KCNQ3: variants seen among roughly 807,000 people sequenced by gnomAD.
KCNQ3 encodes the protein potassium voltage-gated channel subfamily KQT member 3.
In KCNQ3, 30 loss-of-function variants were observed where a neutral mutation model predicts 92.5. That is an observed-to-expected ratio of 0.32 (90% CI 0.24 to 0.44). The LOEUF is 0.44. Among genes scored for constraint, KCNQ3 ranks in the 20% least tolerant of loss-of-function variants. The pLI is 1.00. For missense variants in KCNQ3, 913 were observed against 1,140.3 expected, an observed-to-expected ratio of 0.80 and a Z score of 2.87; for synonymous variants, 450 against 468.8, an observed-to-expected ratio of 0.96 and a Z score of 0.52.
intron 1 of KCNQ3, among the ~76,000 whole-genome samples, chr8:132,464,041 T>C (rs1461495035): frequency 6.6e-6 from 1 of 152,094 alleles, no homozygotes; most frequent in African/African-American, 2.4e-5. Context: ...AAAAATTAGC[T>C]GGGTGTGGTG....
At chr8:132,373,748 A>G (rs1054970979) in intron 1 of KCNQ3, among the ~76,000 whole-genome samples, 6 of 152,102 alleles carry the variant, frequency 3.9e-5, no homozygotes, top group African/African-American at 1.2e-4. Context: ...TGACAGATAC[A>G]GGTGCCCAGT....
chr8:132,381,022 G>T (rs1586971899), intron 1 of KCNQ3, among the ~76,000 whole-genome samples: 1 of 151,700 alleles, frequency 6.6e-6, no homozygotes, highest in Non-Finnish European at 1.5e-5. Context: ...GGAGGATAGA[G>T]CAAAGGGAAA....
intron 1 of KCNQ3, among the ~76,000 whole-genome samples, chr8:132,398,452 T>A (rs34904971): frequency 0.023 from 3,450 of 152,336 alleles, 54 homozygotes; most frequent in Non-Finnish European, 0.037. Context: ...TTAAATGATT[T>A]GCTTATTATT....
intron 1 of KCNQ3, among the ~76,000 whole-genome samples, chr8:132,411,953 CTT>C (rs1320149558): frequency 6.6e-6 from 1 of 152,224 alleles, no homozygotes; most frequent in Non-Finnish European, 1.5e-5. Flanking sequence ...TTCCACCACT[CTT>C]TTGAGCACCA....
At chr8:132,132,088 A>T in intron 14 of KCNQ3, 92 bp downstream of exon 14, 7 of 301,014 alleles carry the variant, frequency 2.3e-5, no homozygotes, top group Non-Finnish European at 3.4e-5. Flanking sequence ...CCTTCGTCTT[A>T]AAAAAAAAAA....
intron 4 of KCNQ3, among the ~76,000 whole-genome samples, chr8:132,177,777 A>AAATG (rs1826615912): frequency 6.6e-6 from 1 of 152,250 alleles, no homozygotes; most frequent in Non-Finnish European, 1.5e-5. Context: ...TACAATGAAT[A>AAATG]AATGAATGAA....
intron 9 of KCNQ3, among the ~76,000 whole-genome samples, chr8:132,158,751 A>G (rs1212740848): frequency 1.3e-5 from 2 of 152,214 alleles, no homozygotes; most frequent in Non-Finnish European, 2.9e-5. Flanking sequence ...TAGGGTGGTT[A>G]TGAAGAAGAG....
At chr8:132,228,106 G>T (rs143217911) in intron 1 of KCNQ3, among the ~76,000 whole-genome samples, 6 of 152,256 alleles carry the variant, frequency 3.9e-5, no homozygotes, top group African/African-American at 1.4e-4. Flanking sequence ...AACCAAAGCC[G>T]CTGCAATTAG....
rs778750952 is a variant in KCNQ3, at chr8:132,460,336, C to CTGTGTT, written c.386+19810_386+19811insAACACA. Among the ~76,000 whole-genome samples the CTGTGTT allele has an allele frequency of 7.3e-3, 1,109 of 152,306 alleles. 6 individuals are homozygous for CTGTGTT. The highest frequency in any genetic ancestry group is 0.011 in the Non-Finnish European group (725 of 68,026). ...TATAAATATTTCTATTCATAACCAT[C>CTGTGTT]TATGTTTGTATTAAGTTAAACATGA... On this transcript the variant is annotated intron_variant, in intron 1 of 14. Coordinates refer to ENST00000388996, the MANE Select transcript of KCNQ3 (RefSeq NM_004519.4).
At chr8:132,256,187 A>G (rs1041796683) in intron 1 of KCNQ3, among the ~76,000 whole-genome samples, 7 of 152,168 alleles carry the variant, frequency 4.6e-5, no homozygotes, top group African/African-American at 1.7e-4. Flanking sequence ...ATCTATATGT[A>G]AAAAATAAAA....
At chr8:132,245,056 G>C (rs1755326647) in intron 1 of KCNQ3, among the ~76,000 whole-genome samples, 1 of 151,460 alleles carries the variant, frequency 6.6e-6, no homozygotes, top group Non-Finnish European at 1.5e-5. Context: ...CCTTTTTTTA[G>C]CATCTTGAAT....
At chr8:132,194,846 T>G (rs2130234796) in intron 1 of KCNQ3, among the ~76,000 whole-genome samples, 1 of 152,330 alleles carries the variant, frequency 6.6e-6, no homozygotes, top group East Asian at 1.9e-4. Flanking sequence ...GTGATTTGCT[T>G]ATGGCTACAA....
At chr8:132,350,356 A>T (rs913038013) in intron 1 of KCNQ3, among the ~76,000 whole-genome samples, 1 of 152,188 alleles carries the variant, frequency 6.6e-6, no homozygotes, top group Non-Finnish European at 1.5e-5. Context: ...AGCTGGTGCC[A>T]CTGCCAAATG....
intron 1 of KCNQ3, among the ~76,000 whole-genome samples, chr8:132,372,508 C>A (rs773761125): frequency 1.2e-4 from 18 of 152,202 alleles, no homozygotes; most frequent in Non-Finnish European, 2.5e-4. Flanking sequence ...GTAATCCCAG[C>A]ACTTTGGGAG....
rs187625670 is a variant in KCNQ3 at position 132,429,578 on chromosome 8, T to C, written c.386+50569A>G. Among the ~76,000 whole-genome samples, 5 of 152,268 alleles carry C rather than the reference T, an allele frequency of 3.3e-5. No homozygotes were observed. In the East Asian group the frequency reaches 7.7e-4, roughly 24 times the overall value. ...AAGAGCCCTAAGAATGAGAGTTTTC[T>C]GGCTGGGTGCAGTGGCTCACGCCTG... On this transcript the variant is annotated intron_variant, in intron 1 of 14. Transcript: ENST00000388996.
chr8:132,182,186 C>A (rs536050520), intron 3 of KCNQ3, among the ~76,000 whole-genome samples: 1 of 152,264 alleles, frequency 6.6e-6, no homozygotes, highest in Non-Finnish European at 1.5e-5. Context: ...ACATCTGCAT[C>A]ATTTGCCAGG....
At chr8:132,432,628 C>G (rs1038978140) in intron 1 of KCNQ3, among the ~76,000 whole-genome samples, 1 of 152,156 alleles carries the variant, frequency 6.6e-6, no homozygotes, top group Non-Finnish European at 1.5e-5. Context: ...TTCTCTCACT[C>G]CACTGCTGAA....
chr8:132,281,718 C>A (rs1816525348), intron 1 of KCNQ3, among the ~76,000 whole-genome samples: 1 of 151,500 alleles, frequency 6.6e-6, no homozygotes, highest in African/African-American at 2.5e-5. Context: ...ACACCCCAAC[C>A]ACCACCATGT....
intron 1 of KCNQ3, among the ~76,000 whole-genome samples, chr8:132,333,397 C>T (rs1486171920): frequency 6.6e-6 from 1 of 152,138 alleles, no homozygotes; most frequent in Non-Finnish European, 1.5e-5. Flanking sequence ...TAGTAAGATG[C>T]TGTCCCACAT....
Sources: gnomAD v4.1 joint callset for allele counts (sites outside exome capture counted in the v4.1 genomes callset) on GRCh38, gnomAD v4.1.1 for gene constraint, MANE v1.5 for transcripts, NCBI Gene and HGNC (gene_info 2026-07-23, HGNC 2026-07-21) for gene names.